The following MACROD2 variants were observed in gnomAD, a reference collection of about 807,000 sequenced individuals.
MACROD2 encodes the protein mono-ADP ribosylhydrolase 2.
A neutral mutation model predicts 70.4 loss-of-function variants in MACROD2; 36 were observed. The ratio of observed to expected loss-of-function variants is 0.51; its 90% CI spans 0.39 to 0.68. The LOEUF is 0.68. Ranked by LOEUF, MACROD2 falls within the 30% of genes least tolerant of loss-of-function variation. The pLI is 0.00. For missense variants in MACROD2, 496 were observed against 538.4 expected (o/e 0.92, Z 0.78); for synonymous variants, 172 against 178.8 (o/e 0.96, Z 0.30).
chr20:14,126,121 C>G (rs1208991466), intron 3 of MACROD2, among the ~76,000 whole-genome samples: 3 of 152,192 alleles, frequency 2.0e-5, no homozygotes, highest in Non-Finnish European at 4.4e-5. Flanking sequence ...GATGGGGTGA[C>G]TTAAAAAGAA....
intron 5 of MACROD2, among the ~76,000 whole-genome samples, chr20:15,119,472 G>GTGGC (rs1239934321): frequency 6.6e-6 from 1 of 152,198 alleles, no homozygotes; most frequent in East Asian, 1.9e-4. Flanking sequence ...AGACATAGTA[G>GTGGC]TGAGGATGAC....
At chr20:15,618,095 CTT>C (rs398035424) in intron 8 of MACROD2, among the ~76,000 whole-genome samples, 41 of 70,840 alleles carry the variant, frequency 5.8e-4, no homozygotes, top group African/African-American at 2.1e-3. Context: ...CATCATTAGT[CTT>C]TTTTTTTTTT....
At chr20:15,987,194 A>C (rs768002655) in intron 15 of MACROD2, 36 bp downstream of exon 15, 1 of 1,508,906 alleles carries the variant, frequency 6.6e-7, no homozygotes, top group South Asian at 1.2e-5. Flanking sequence ...TCAAGAATGG[A>C]GAGTTTCTTT....
chr20:14,862,117 A>AT (rs2073337984), intron 5 of MACROD2, among the ~76,000 whole-genome samples: 1 of 1,986 alleles, frequency 5.0e-4, no homozygotes, highest in African/African-American at 6.2e-3. Context: ...ATAAATATAT[A>AT]AATATATAAT....
intron 7 of MACROD2, among the ~76,000 whole-genome samples, chr20:15,460,903 G>A (rs1422295781): frequency 6.7e-6 from 1 of 149,370 alleles, no homozygotes; most frequent in Non-Finnish European, 1.5e-5. Flanking sequence ...AGAAGTGAGG[G>A]TAGATGTGGA....
intron 3 of MACROD2, among the ~76,000 whole-genome samples, chr20:14,432,874 T>G (rs1226420674): frequency 6.6e-6 from 1 of 152,170 alleles, no homozygotes; most frequent in Non-Finnish European, 1.5e-5. Flanking sequence ...TTATTGTTAA[T>G]TTGGTGCAAC....
chr20:14,810,725 G>A (rs1438815670), intron 5 of MACROD2, among the ~76,000 whole-genome samples: 1 of 152,086 alleles, frequency 6.6e-6, no homozygotes, highest in Non-Finnish European at 1.5e-5. Context: ...AAGCTGATAA[G>A]GAACTTCAGC....
At chr20:15,621,797 A>G (rs1417523002) in intron 8 of MACROD2, among the ~76,000 whole-genome samples, 6 of 152,144 alleles carry the variant, frequency 3.9e-5, no homozygotes, top group Non-Finnish European at 7.4e-5. Flanking sequence ...AGATTCACAT[A>G]CCCCACCAAG....
At chr20:15,721,863 C>T (rs1175210011) in intron 8 of MACROD2, among the ~76,000 whole-genome samples, 3 of 152,140 alleles carry the variant, frequency 2.0e-5, no homozygotes, top group Non-Finnish European at 4.4e-5. Context: ...ACAGGAGCCC[C>T]TGATTGCGTC....
chr20:14,407,514 A>T (rs571811964), intron 3 of MACROD2, among the ~76,000 whole-genome samples: 1 of 152,148 alleles, frequency 6.6e-6, no homozygotes, highest in African/African-American at 2.4e-5. Context: ...CAACTTTGTC[A>T]TATTGTTCAA....
chr20:14,611,479 G>C (rs1415870728), intron 4 of MACROD2, among the ~76,000 whole-genome samples: 2 of 148,738 alleles, frequency 1.3e-5, no homozygotes, highest in Non-Finnish European at 3.0e-5. Flanking sequence ...TTTTGGCGGG[G>C]GGTCATATTT....
intron 4 of MACROD2, among the ~76,000 whole-genome samples, chr20:14,553,124 A>C (rs6110323): frequency 0.051 from 7,614 of 149,880 alleles, 261 homozygotes; most frequent in Non-Finnish European, 0.077. Context: ...CAGTTGTACA[A>C]AATTTTTTTC....
chr20:15,064,372 G>A (rs1029376681), intron 5 of MACROD2, among the ~76,000 whole-genome samples: 1 of 152,172 alleles, frequency 6.6e-6, no homozygotes, highest in Non-Finnish European at 1.5e-5. Flanking sequence ...TGCTGATCTT[G>A]TGTAATTCAT....
At chr20:14,710,942 C>T (rs920896139) in intron 5 of MACROD2, among the ~76,000 whole-genome samples, 3 of 152,188 alleles carry the variant, frequency 2.0e-5, no homozygotes, top group African/African-American at 7.2e-5. Flanking sequence ...CTCATTCTTC[C>T]TGCTTATCAG....
At chr20:14,915,619 C>T (rs574125258) in intron 5 of MACROD2, among the ~76,000 whole-genome samples, 2 of 152,136 alleles carry the variant, frequency 1.3e-5, no homozygotes, top group African/African-American at 4.8e-5. Context: ...CGGCTGTGCC[C>T]GACTGTGTGA....
intron 6 of MACROD2, among the ~76,000 whole-genome samples, chr20:15,238,394 A>C (rs367649328): frequency 6.6e-6 from 1 of 152,114 alleles, no homozygotes; most frequent in African/African-American, 2.4e-5. Flanking sequence ...TCAAGATCTC[A>C]TAATCCTAAC....
At chr20:15,552,867 C>T (rs1600579121) in intron 8 of MACROD2, 1 of 152,330 alleles carries the variant, frequency 6.6e-6, no homozygotes, top group East Asian at 1.9e-4. Context: ...CTCGTTAAAA[C>T]TCCTCTTATT....
chr20:14,290,767 C>T (rs2082380145), intron 3 of MACROD2, among the ~76,000 whole-genome samples: 1 of 152,214 alleles, frequency 6.6e-6, no homozygotes, highest in South Asian at 2.1e-4. Context: ...CCTCAGCCTC[C>T]CAGAGTGCTG....
chr20:15,798,964 A>C (rs1039493604), intron 8 of MACROD2, among the ~76,000 whole-genome samples: 3 of 152,208 alleles, frequency 2.0e-5, no homozygotes, highest in African/African-American at 7.2e-5. Context: ...AAATGAACAA[A>C]GAAAGAAACC....
Sources: allele counts gnomAD v4.1 joint callset (sites outside exome capture counted in the v4.1 genomes callset), GRCh38; gene constraint gnomAD v4.1.1; transcripts MANE v1.5; gene names NCBI Gene and HGNC (gene_info 2026-07-23, HGNC 2026-07-21).